RBFOX1: variants seen among roughly 807,000 people sequenced by gnomAD.
The protein encoded by RBFOX1 is RNA binding protein fox-1 homolog 1.
Under a neutral mutation model 57.7 loss-of-function variants are expected in RBFOX1, and 8 were observed. The observed-to-expected ratio is 0.14, with a 90% confidence interval of 0.08 to 0.25. The LOEUF is 0.25. Among genes scored for constraint, RBFOX1 ranks in the 10% least tolerant of loss-of-function variants. The probability of loss-of-function intolerance (pLI) is 1.00; values close to 1 mark genes in which losing one functional copy is unlikely to be tolerated. For missense variants in RBFOX1, 611 were observed against 548.5 expected (o/e 1.11, Z -1.14); for synonymous variants, 326 against 222.4 (o/e 1.47, Z -4.15).
chr16:6,840,069 CTTAAAAA>C (rs2093373214), intron 3 of RBFOX1, among the ~76,000 whole-genome samples: 1 of 152,244 alleles, frequency 6.6e-6, no homozygotes, highest in African/African-American at 2.4e-5. Context: ...TACTACTCAA[CTTAAAAA>C]TTAAAATGCT....
At chr16:6,041,925 G>T (rs1299488614) in intron 1 of RBFOX1, among the ~76,000 whole-genome samples, 5 of 152,070 alleles carry the variant, frequency 3.3e-5, no homozygotes, top group Non-Finnish European at 5.9e-5. Context: ...AATCATCAGG[G>T]TGTCAGCAGA....
intron 3 of RBFOX1, among the ~76,000 whole-genome samples, chr16:6,764,685 C>A (rs2077081881): frequency 6.6e-6 from 1 of 152,106 alleles, no homozygotes; most frequent in African/African-American, 2.4e-5. Flanking sequence ...GCCTGTAATC[C>A]CAGCACTTTT....
At chr16:6,055,425 T>A (rs1486585678) in intron 1 of RBFOX1, among the ~76,000 whole-genome samples, 1 of 151,714 alleles carries the variant, frequency 6.6e-6, no homozygotes, top group Non-Finnish European at 1.5e-5. Context: ...AGACCCCATC[T>A]CTACTAAAAA....
At chr16:6,542,481 G>GTGTTTTTTTTTTTTTT (rs1567617665) in intron 2 of RBFOX1, among the ~76,000 whole-genome samples, 1 of 37,156 alleles carries the variant, frequency 2.7e-5, no homozygotes, top group African/African-American at 9.1e-5. Context: ...TGGGACCATA[G>GTGTTTTTTTTTTTTTT]TCTTTTTTTT....
chr16:5,363,184 C>T lies in RBFOX1; in HGVS notation c.220-104032C>T, dbSNP rs191048247. Among the ~76,000 whole-genome samples, 438 of 151,410 alleles carry T rather than the reference C, an allele frequency of 2.9e-3. 1 individual carries two copies. Among genetic ancestry groups the T allele is most frequent in the African/African-American group, 9.4e-3 (387 of 41,270 alleles). On this transcript the variant is annotated intron_variant, in intron 1 of 2. Transcript: ENST00000585867. ...GAGTAGCTGGGACTACAGGCATGTG[C>T]CACAGCCCCTGGCTATTTTTTTTTT... is the stretch of plus-strand genomic sequence containing the variant.
chr16:6,441,103 G>A (rs2094369641), intron 2 of RBFOX1, among the ~76,000 whole-genome samples: 1 of 152,166 alleles, frequency 6.6e-6, no homozygotes, highest in African/African-American at 2.4e-5. Context: ...GAGAGGCAGT[G>A]AGCCCAGTGC....
chr16:5,681,540 A>C (rs1374345254), intron 3 of RBFOX1, among the ~76,000 whole-genome samples: 1 of 151,070 alleles, frequency 6.6e-6, no homozygotes, highest in Non-Finnish European at 1.5e-5. Flanking sequence ...AGGCACGTGC[A>C]ACCATGCCCA....
intron 3 of RBFOX1, among the ~76,000 whole-genome samples, chr16:5,805,432 T>C (rs1184683335): frequency 6.6e-6 from 1 of 152,220 alleles, no homozygotes; most frequent in East Asian, 1.9e-4. Context: ...TCATCTTTAA[T>C]ATGAAGCTGT....
intron 3 of RBFOX1, among the ~76,000 whole-genome samples, chr16:5,691,810 G>T (rs2050688809): frequency 6.6e-6 from 1 of 152,106 alleles, no homozygotes; most frequent in Non-Finnish European, 1.5e-5. Context: ...AGGTTCAGAA[G>T]TGCTTGATTT....
At chr16:6,558,712 C>T (rs960475360) in intron 2 of RBFOX1, among the ~76,000 whole-genome samples, 1 of 152,036 alleles carries the variant, frequency 6.6e-6, no homozygotes, top group Non-Finnish European at 1.5e-5. Context: ...TCCCTCCGTC[C>T]GTCCCACTCT....
intron 3 of RBFOX1, among the ~76,000 whole-genome samples, chr16:6,849,906 A>T (rs181958691): frequency 6.6e-6 from 1 of 152,158 alleles, no homozygotes; most frequent in Non-Finnish European, 1.5e-5. Flanking sequence ...TTGTGTGTGT[A>T]TATCTCCCAG....
chr16:6,930,008 G>A (rs1331062703), intron 3 of RBFOX1, among the ~76,000 whole-genome samples: 4 of 152,246 alleles, frequency 2.6e-5, no homozygotes, highest in East Asian at 3.9e-4. Flanking sequence ...AAAACAGAGC[G>A]AGATCTCTCT....
chr16:7,106,148 C>T (rs1038558406), intron 4 of RBFOX1, among the ~76,000 whole-genome samples: 5 of 152,154 alleles, frequency 3.3e-5, no homozygotes, highest in Non-Finnish European at 2.9e-5. Flanking sequence ...GCATCATGAC[C>T]TGTGAAGACA....
At chr16:6,765,227 G>C (rs2077168793) in intron 3 of RBFOX1, among the ~76,000 whole-genome samples, 1 of 152,136 alleles carries the variant, frequency 6.6e-6, no homozygotes, top group African/African-American at 2.4e-5. Flanking sequence ...GGAACAGAAT[G>C]AGGCCAGAAC....
At chr16:7,151,453 C>A (rs907949917) in intron 4 of RBFOX1, among the ~76,000 whole-genome samples, 4 of 152,100 alleles carry the variant, frequency 2.6e-5, no homozygotes, top group African/African-American at 9.7e-5. Context: ...GTTCGTCATC[C>A]TTCAACTCCC....
intron 3 of RBFOX1, among the ~76,000 whole-genome samples, chr16:6,695,413 CAAAAAAAAAAAAAAAAA>C: frequency 9.2e-6 from 1 of 109,098 alleles, no homozygotes; most frequent in East Asian, 3.3e-4. Context: ...GAAACTCTGT[CAAAAAAAAAAAAAAAAA>C]AAAAAAAGGA....
chr16:6,632,799 C>T (rs1051926215), intron 2 of RBFOX1, among the ~76,000 whole-genome samples: 5 of 152,216 alleles, frequency 3.3e-5, no homozygotes, highest in African/African-American at 4.8e-5. Context: ...TCAGCCTTGG[C>T]TCTTCTTTTC....
intron 1 of RBFOX1, among the ~76,000 whole-genome samples, chr16:5,418,048 TCCA>T (rs1172067525): frequency 2.0e-5 from 3 of 151,126 alleles, no homozygotes; most frequent in Non-Finnish European, 4.4e-5. Context: ...TCCATTGCAC[TCCA>T]GCCTGGGCAA....
At chr16:6,880,249 A>T (rs1225828518) in intron 3 of RBFOX1, among the ~76,000 whole-genome samples, 1 of 152,198 alleles carries the variant, frequency 6.6e-6, no homozygotes, top group African/African-American at 2.4e-5. Context: ...CAAGAAGGGA[A>T]AGAGCAGAGT....
Sources: allele counts gnomAD v4.1 joint callset (sites outside exome capture counted in the v4.1 genomes callset), GRCh38; gene constraint gnomAD v4.1.1; transcripts MANE v1.5; gene names NCBI Gene and HGNC (gene_info 2026-07-23, HGNC 2026-07-21).